RAB40C: variants seen among roughly 807,000 people sequenced by gnomAD.
RAB40C encodes ras-related protein Rab-40C.
A neutral mutation model predicts 28.1 loss-of-function variants in RAB40C; 8 were observed. The ratio of observed to expected loss-of-function variants is 0.28; its 90% confidence interval spans 0.17 to 0.51. The LOEUF (loss-of-function observed/expected upper bound fraction) is 0.51. RAB40C is among the 20% of genes least tolerant of loss of function. RAB40C has a pLI of 0.97. For synonymous variants in RAB40C, 201 were observed against 171.7 expected (o/e 1.17, Z -1.34); for missense variants, 288 against 405.9 (o/e 0.71, Z 2.50).
chr16:629,197 T>C lies in RAB40C; in HGVS notation c.*1575T>C. On this transcript the variant is annotated 3_prime_UTR_variant, in exon 6 of 6. Coordinates refer to ENST00000248139, the MANE Select transcript of RAB40C (RefSeq NM_021168.5). Reference sequence around the variant, plus strand: ...ACGGCATCAACACTACCCGCGCTGCTGTTAGACACTCCGCCATTCCTGGTT... The same window carrying C: ...ACGGCATCAACACTACCCGCGCTGCCGTTAGACACTCCGCCATTCCTGGTT... 1 of 248,534 alleles carries C rather than the reference T, an allele frequency of 4.0e-6. No homozygotes were observed. Among genetic ancestry groups the C allele is most frequent in the Non-Finnish European group, 8.3e-6 (1 of 120,252 alleles). 15.4% of individuals were successfully genotyped at this position (248,534 alleles called of 1,614,324 possible). A position where few individuals can be genotyped will look rare whatever the true frequency, so the allele number is the denominator to read the frequency against.
chr16:609,455 C>G (rs940390578), intron 1 of RAB40C, among the ~76,000 whole-genome samples: 6 of 152,102 alleles, frequency 3.9e-5, no homozygotes, highest in African/African-American at 1.4e-4. Context: ...GGATAACCGT[C>G]AGCCCAAAAG....
intron 1 of RAB40C, chr16:616,810 G>A (rs1175904404): frequency 4.9e-6 from 1 of 204,252 alleles, no homozygotes; most frequent in African/African-American, 2.3e-5. Context: ...CAGGCACGCT[G>A]GAGTCCACGC....
At chr16:622,380 C>T (rs532335702) in intron 3 of RAB40C, among the ~76,000 whole-genome samples, 3 of 152,172 alleles carry the variant, frequency 2.0e-5, no homozygotes, top group South Asian at 2.1e-4. Flanking sequence ...TGACCCCGCC[C>T]GCGAGGCATG....
At chr16:622,804 G>A (rs150610668) in intron 3 of RAB40C, among the ~76,000 whole-genome samples, 57 of 152,288 alleles carry the variant, frequency 3.7e-4, no homozygotes, top group African/African-American at 1.2e-3. Context: ...GCGCCTGGCC[G>A]AAGTCGCTAG....
chr16:594,499 T>C (rs2036069652), intron 1 of RAB40C, among the ~76,000 whole-genome samples: 1 of 152,208 alleles, frequency 6.6e-6, no homozygotes, highest in African/African-American at 2.4e-5. Context: ...TTCTTCGGCT[T>C]CACGACTCCC....
chr16:605,721 A>C (rs1300821843), intron 1 of RAB40C, among the ~76,000 whole-genome samples: 1 of 152,134 alleles, frequency 6.6e-6, no homozygotes, highest in African/African-American at 2.4e-5. Context: ...GATGGTTTCC[A>C]TGTTGGGTGA....
chr16:599,539 C>T (rs573964848), intron 1 of RAB40C, among the ~76,000 whole-genome samples: 1 of 152,362 alleles, frequency 6.6e-6, no homozygotes, highest in East Asian at 1.9e-4. Context: ...AATGCACACC[C>T]GTGGGTGTTC....
intron 3 of RAB40C, among the ~76,000 whole-genome samples, chr16:620,798 G>A (rs1478716055): frequency 1.9e-3 from 98 of 51,798 alleles, no homozygotes; most frequent in Admixed American, 0.011. Context: ...CCAGCCCCCC[G>A]CCGACGGGCT....
chr16:607,754 G>A (rs541134341), intron 1 of RAB40C, among the ~76,000 whole-genome samples: 16 of 152,214 alleles, frequency 1.1e-4, no homozygotes, highest in Non-Finnish European at 1.6e-4. Flanking sequence ...TCGCGCCACT[G>A]CACTCCAGCC....
At chr16:592,039 G>C (rs1459887447) in intron 1 of RAB40C, among the ~76,000 whole-genome samples, 1 of 152,166 alleles carries the variant, frequency 6.6e-6, no homozygotes, top group Non-Finnish European at 1.5e-5. Context: ...CCCTCTCATG[G>C]GGGCCTGGAC....
At chr16:624,207 G>A (rs2036779722) in intron 3 of RAB40C, 1 of 985,424 alleles carries the variant, frequency 1.0e-6, no homozygotes, top group Non-Finnish European at 1.2e-6. Flanking sequence ...TTGCCATGCG[G>A]GAGGTTGCCA....
intron 1 of RAB40C, among the ~76,000 whole-genome samples, chr16:602,941 G>A (rs7203694): frequency 0.18 from 26,707 of 152,160 alleles, 2,562 homozygotes; most frequent in South Asian, 0.26. Context: ...ATCATTGAAA[G>A]TAATCTGAGA....
At chr16:594,100 G>T (rs1342722140) in intron 1 of RAB40C, among the ~76,000 whole-genome samples, 1 of 152,192 alleles carries the variant, frequency 6.6e-6, no homozygotes, top group African/African-American at 2.4e-5. Flanking sequence ...TCTGCAGGGG[G>T]CATCGAAGGT....
chr16:605,181 T>C (rs954361618), intron 1 of RAB40C, among the ~76,000 whole-genome samples: 3 of 152,196 alleles, frequency 2.0e-5, no homozygotes, highest in African/African-American at 7.2e-5. Flanking sequence ...GCCGTGATTG[T>C]TCCGCTGCAC....
In RAB40C at chr16:618,204, A is replaced by G. The variant is rs1006101164; in HGVS notation, c.208A>G (p.Thr70Ala). ...TCCCCTCCCCGTATGTTTCAGGGAC[A>G]CGTCGGGCCAGGGCCGGTTCTGCAC... The part of the protein sequence containing the change: ...GRRVKLELWD[T>A]SGQGRFCTIF... Residue 70 changes from threonine (T) to alanine (A), a missense_variant, in exon 3 of 6, where the codon ACG becomes GCG. Physicochemically the swap from Thr to Ala is moderately conservative, Grantham distance 58 (BLOSUM62 0). Around this residue, in one of 3 missense-constraint regions of RAB40C, gnomAD observed 153 missense variants for 262.4 expected, o/e 0.58. Transcript: ENST00000248139. The G allele has an allele frequency of 2.5e-6, 4 of 1,613,174 alleles. No individual in the cohort carries two copies. The African/African-American group carries it at 5.3e-5, about 22-fold the overall frequency.
chr16:607,212 G>T (rs1284340711), intron 1 of RAB40C, among the ~76,000 whole-genome samples: 9 of 152,202 alleles, frequency 5.9e-5, no homozygotes, highest in Non-Finnish European at 4.4e-5. Context: ...TGAAAACAAA[G>T]TCGCCTGGGC....
intron 1 of RAB40C, among the ~76,000 whole-genome samples, chr16:599,130 G>C (rs2036194879): frequency 6.6e-6 from 1 of 152,258 alleles, no homozygotes; most frequent in Non-Finnish European, 1.5e-5. Flanking sequence ...GATCAGGGTT[G>C]CCGAGGTGCT....
At chr16:622,418 G>A (rs965730689) in intron 3 of RAB40C, among the ~76,000 whole-genome samples, 16 of 152,230 alleles carry the variant, frequency 1.1e-4, no homozygotes, top group South Asian at 2.1e-4. Flanking sequence ...GTCTGTAGAC[G>A]CTGAGGAAAC....
At chr16:626,655 G>A (rs191989149) in intron 5 of RAB40C, among the ~76,000 whole-genome samples, 2 of 152,142 alleles carry the variant, frequency 1.3e-5, no homozygotes, top group Non-Finnish European at 2.9e-5. Context: ...GAGGAAGCAC[G>A]GGCCTGGCAC....
Sources: gnomAD v4.1 joint callset for allele counts (sites outside exome capture counted in the v4.1 genomes callset) on GRCh38, gnomAD v4.1.1 for gene constraint, gnomAD v4.1.1 regional missense constraint, MANE v1.5 for transcripts, NCBI Gene and HGNC (gene_info 2026-07-23, HGNC 2026-07-21) for gene names.